PARP15: variants seen among roughly 807,000 people sequenced by gnomAD.
PARP15 encodes the protein poly(ADP-ribose) polymerase family member 15.
PARP15 carries 50 observed loss-of-function variants against 62.1 expected under a neutral mutation model. That is an observed-to-expected ratio of 0.81 (90% CI 0.64 to 1.02). The LOEUF (loss-of-function observed/expected upper bound fraction) is 1.02, where lower values mean the gene tolerates loss of function less well. Ranked by LOEUF, PARP15 falls within the 50% of genes least tolerant of loss-of-function variation. The pLI, the probability that PARP15 is intolerant of heterozygous loss-of-function variation, is 0.00. For synonymous variants in PARP15, 309 were observed against 293.1 expected (o/e 1.05, Z -0.55); for missense variants, 820 against 826.5 (o/e 0.99, Z 0.10).
chr3:122,584,917 T>C (rs1234676181), intron 1 of PARP15, among the ~76,000 whole-genome samples: 1 of 152,212 alleles, frequency 6.6e-6, no homozygotes, highest in African/African-American at 2.4e-5. Context: ...GAATCGGTGT[T>C]AAATTTGGTC....
Position 122,615,808 on chromosome 3 carries a change from A to G in PARP15, c.801A>G (p.Ser267=), listed in dbSNP as rs1182285362. 4 of 1,613,608 alleles carry G rather than the reference A, an allele frequency of 2.5e-6. No individual in the cohort carries two copies. The highest frequency in any genetic ancestry group is 3.4e-6 in the Non-Finnish European group (4 of 1,179,636). ...TTTTAGATGAATTCACTAACTGGTC[A>G]AGAATAAATCCCAACAAGGCCAGGA... is the stretch of plus-strand genomic sequence containing the variant. ...QAFLDEFTNW[S]RINPNKARIP... is the part of the protein sequence containing the mutation. The change falls in exon 5 of 12, where the codon TCA becomes TCG. Residue 267 remains serine, a synonymous_variant. Transcript: ENST00000464300.
intron 8 of PARP15, among the ~76,000 whole-genome samples, chr3:122,623,443 A>G (rs1322467765): frequency 2.6e-5 from 4 of 152,220 alleles, no homozygotes; most frequent in African/African-American, 7.2e-5. Context: ...TTGCAACTGG[A>G]TAGGTGGAAT....
At chr3:122,612,368 CTT>C (rs111945019) in intron 3 of PARP15, among the ~76,000 whole-genome samples, 28 of 143,674 alleles carry the variant, frequency 1.9e-4, no homozygotes, top group Admixed American at 2.8e-4. Flanking sequence ...TATTCTCTCT[CTT>C]TTTTTTTTTT....
At chr3:122,612,335 GT>G (rs1935626514) in intron 3 of PARP15, among the ~76,000 whole-genome samples, 2 of 151,730 alleles carry the variant, frequency 1.3e-5, no homozygotes, top group Admixed American at 1.3e-4. Flanking sequence ...GATTACAGGT[GT>G]GAACCACTGT....
At position 122,610,497 on chromosome 3, in the gene PARP15, G is replaced by A. The variant is rs369110210; in HGVS notation, c.310G>A (p.Asp104Asn). The A allele has an allele frequency of 5.8e-6, 9 of 1,550,196 alleles. No individual in the cohort carries two copies. The highest frequency in any genetic ancestry group is 4.1e-5 in the African/African-American group (3 of 72,936). The change falls in exon 3 of 12, where the codon GAT becomes AAT. Residue 104 changes from aspartate to asparagine, a missense_variant. Asp to Asn is a conservative substitution (Grantham distance 23). Coordinates refer to ENST00000464300, the MANE Select transcript of PARP15 (RefSeq NM_001113523.3). Reference sequence around the variant, plus strand: ...AACTGTTGCTATTTTCGTTAAGGCCGATGTCATTGTCAACAGCGTTCCCAT... The same window carrying A: ...AACTGTTGCTATTTTCGTTAAGGCCAATGTCATTGTCAACAGCGTTCCCAT... ...ISGDVLYIWA[D>N]VIVNSVPMNL... is the part of the protein sequence containing the mutation.
At chr3:122,601,215 G>A (rs1474954208) in intron 1 of PARP15, among the ~76,000 whole-genome samples, 2 of 151,622 alleles carry the variant, frequency 1.3e-5, no homozygotes, top group African/African-American at 2.4e-5. Context: ...GTAGAGATGG[G>A]GTTTCACCAT....
At chr3:122,621,891 C>G (rs1936373772) in intron 8 of PARP15, among the ~76,000 whole-genome samples, 1 of 152,200 alleles carries the variant, frequency 6.6e-6, no homozygotes, top group African/African-American at 2.4e-5. Context: ...CTCCTCCTCC[C>G]AGGCTCACGC....
Position 122,621,581 on chromosome 3 carries a change from A to C in PARP15, c.1201A>C (p.Thr401Pro). The change falls in exon 8 of 12, where the codon ACA becomes CCA. Residue 401 changes from threonine to proline, a missense_variant. Physicochemically the swap from Thr to Pro is conservative, Grantham distance 38. Around this residue, in one of 3 missense-constraint regions of PARP15, gnomAD observed 731 missense variants for 727.7 expected, o/e 1.00. Coordinates refer to ENST00000464300, the MANE Select transcript of PARP15 (RefSeq NM_001113523.3). Reference protein sequence around the residue: ...VLEECEQRKYTSVSLPAIGTG... With the variant: ...VLEECEQRKYPSVSLPAIGTG... Reference sequence around the variant, plus strand: ...AGAAGAGTGTGAACAGAGGAAGTACACATCGGTTTCCCTTCCAGCCATTGG... The same window carrying C: ...AGAAGAGTGTGAACAGAGGAAGTACCCATCGGTTTCCCTTCCAGCCATTGG... 6.2e-7 allele frequency: 1 copy of C among 1,601,812 alleles called. No homozygotes were observed. Among genetic ancestry groups the C allele is most frequent in the Non-Finnish European group, 8.5e-7 (1 of 1,176,116 alleles).
At chr3:122,622,711 C>T (rs527479711) in intron 8 of PARP15, among the ~76,000 whole-genome samples, 8 of 152,186 alleles carry the variant, frequency 5.3e-5, no homozygotes, top group Admixed American at 2.0e-4. Context: ...TTTCTAGGAA[C>T]GCTTTCCTCA....
chr3:122,628,728 T>C (rs1366161104), intron 9 of PARP15, among the ~76,000 whole-genome samples: 1 of 152,232 alleles, frequency 6.6e-6, no homozygotes, highest in African/African-American at 2.4e-5. Flanking sequence ...TGTGAAAGAC[T>C]GATTTCAACC....
chr3:122,611,586 G>A (rs1442242352), intron 3 of PARP15, among the ~76,000 whole-genome samples: 5 of 152,114 alleles, frequency 3.3e-5, no homozygotes, highest in Admixed American at 2.0e-4. Flanking sequence ...TGATCCACCC[G>A]CCTCAGCCTC....
chr3:122,604,908 C>T (rs1935054367), intron 1 of PARP15, among the ~76,000 whole-genome samples: 2 of 150,786 alleles, frequency 1.3e-5, no homozygotes, highest in South Asian at 4.2e-4. Flanking sequence ...TGGTGGTGTG[C>T]ACCTGTAATC....
chr3:122,602,801 G>C (rs1271741226), intron 1 of PARP15, among the ~76,000 whole-genome samples: 1 of 152,166 alleles, frequency 6.6e-6, no homozygotes, highest in Admixed American at 6.5e-5. Context: ...AGACCAATGT[G>C]ATAAAACTTT....
At chr3:122,619,533 G>C (rs1305861050) in intron 6 of PARP15, among the ~76,000 whole-genome samples, 1 of 152,172 alleles carries the variant, frequency 6.6e-6, no homozygotes, top group African/African-American at 2.4e-5. Context: ...AAACAGTCCT[G>C]TATAAATAGA....
intron 1 of PARP15, among the ~76,000 whole-genome samples, chr3:122,605,102 C>G (rs781758339): frequency 2.0e-5 from 3 of 152,076 alleles, no homozygotes; most frequent in Non-Finnish European, 4.4e-5. Context: ...CAAATCAGCT[C>G]CCACTTAATC....
intron 1 of PARP15, among the ~76,000 whole-genome samples, chr3:122,605,604 C>T (rs921634844): frequency 9.9e-5 from 15 of 152,138 alleles, no homozygotes; most frequent in African/African-American, 3.1e-4. Context: ...GACAGGGTCT[C>T]GCTTTGTTAC....
At chr3:122,590,138 G>A (rs932792360) in intron 1 of PARP15, among the ~76,000 whole-genome samples, 89 of 151,824 alleles carry the variant, frequency 5.9e-4, no homozygotes, top group African/African-American at 2.0e-3. Context: ...CACCCGCCTC[G>A]GCCTCCCAAA....
At chr3:122,634,904 A>G in intron 10 of PARP15, 116 bp from the exon 11 acceptor site, 1 of 1,071,288 alleles carries the variant, frequency 9.3e-7, no homozygotes, top group Non-Finnish European at 1.4e-6. Flanking sequence ...CTTTTCCTTC[A>G]CCAAATTCTC....
At chr3:122,577,888 C>T in intron 1 of PARP15, 35 bp downstream of exon 1, 1 of 1,505,450 alleles carries the variant, frequency 6.6e-7, no homozygotes, top group Non-Finnish European at 8.9e-7. Flanking sequence ...GGGAAGGGGA[C>T]AGCAGGGCTG....
Sources: gnomAD v4.1 joint callset for allele counts (sites outside exome capture counted in the v4.1 genomes callset) on GRCh38, gnomAD v4.1.1 for gene constraint, gnomAD v4.1.1 regional missense constraint, MANE v1.5 for transcripts, NCBI Gene and HGNC (gene_info 2026-07-23, HGNC 2026-07-21) for gene names.